Variants in DNAJC3 observed in about 807,000 individuals in gnomAD.
DNAJC3 encodes DnaJ heat shock protein family (Hsp40) member C3.
In DNAJC3, 38 loss-of-function variants were observed where a neutral mutation model predicts 68.6. That is an observed-to-expected ratio of 0.55 (90% CI 0.43 to 0.73). The LOEUF is 0.73. Among genes scored for constraint, DNAJC3 ranks in the 30% least tolerant of loss-of-function variants. The pLI is 0.00. For missense variants in DNAJC3, 526 were observed against 591.9 expected (o/e 0.89, Z 1.16); for synonymous variants, 203 against 204.0 (o/e 1.00, Z 0.04).
intron 4 of DNAJC3, among the ~76,000 whole-genome samples, chr13:95,750,045 G>A (rs1304917641): frequency 6.6e-6 from 1 of 151,914 alleles, no homozygotes; most frequent in Non-Finnish European, 1.5e-5. Flanking sequence ...GACTCAGATA[G>A]CTGTTTCCAG....
intron 11 of DNAJC3, among the ~76,000 whole-genome samples, chr13:95,788,644 A>G (rs1271287094): frequency 2.0e-5 from 3 of 152,170 alleles, no homozygotes; most frequent in Admixed American, 1.3e-4. Flanking sequence ...TGGTTACCTC[A>G]TTCTTTGAGA....
chr13:95,703,367 G>A (rs1880631953), intron 1 of DNAJC3, among the ~76,000 whole-genome samples: 1 of 152,186 alleles, frequency 6.6e-6, no homozygotes, highest in Non-Finnish European at 1.5e-5. Context: ...CTATGCTTGG[G>A]AGTCACTCAA....
intron 1 of DNAJC3, among the ~76,000 whole-genome samples, chr13:95,679,199 C>CTTTTTTTT (rs3086610): frequency 4.6e-5 from 5 of 108,386 alleles, no homozygotes; most frequent in African/African-American, 2.0e-4. Flanking sequence ...AAAATCAGCA[C>CTTTTTTTT]TTTTTTTTTT....
intron 4 of DNAJC3, among the ~76,000 whole-genome samples, chr13:95,753,389 G>A (rs74106032): frequency 0.011 from 1,657 of 152,012 alleles, 39 homozygotes; most frequent in African/African-American, 0.037. Flanking sequence ...AACAAAGACT[G>A]CAGAAAGAAT....
chr13:95,791,323 C>A lies in DNAJC3; in HGVS notation c.*293C>A. On this transcript the variant is annotated 3_prime_UTR_variant, in exon 12 of 12. Transcript: ENST00000602402. Reference sequence around the variant, plus strand: ...TCACCCGTGGAAGTGCTCACGTATTCTGTATTATTTTTCTACACTGGAGCT... The same window carrying A: ...TCACCCGTGGAAGTGCTCACGTATTATGTATTATTTTTCTACACTGGAGCT... 2 of 355,376 alleles carry A rather than the reference C, an allele frequency of 5.6e-6. No homozygotes were observed. The allele number at this position is 355,376 out of a possible 1,614,324, so 22.0% of individuals were successfully genotyped here. A position where few individuals can be genotyped will look rare whatever the true frequency, so the allele number is the denominator to read the frequency against.
At chr13:95,788,324 T>A (rs889350389) in intron 11 of DNAJC3, among the ~76,000 whole-genome samples, 1 of 152,008 alleles carries the variant, frequency 6.6e-6, no homozygotes, top group Non-Finnish European at 1.5e-5. Flanking sequence ...AGACTGGGAG[T>A]CAGGATCTTC....
intron 4 of DNAJC3, chr13:95,742,619 T>C (rs1362937922): frequency 3.8e-5 from 19 of 502,844 alleles, no homozygotes; most frequent in South Asian, 2.6e-4. Flanking sequence ...ACTTCTCTCT[T>C]CTTCTTCTTC....
intron 1 of DNAJC3, among the ~76,000 whole-genome samples, chr13:95,689,996 C>CT (rs976345832): frequency 6.7e-6 from 1 of 148,640 alleles, no homozygotes. Context: ...TTTTCTTTTT[C>CT]TTTTTTTTAT....
intron 1 of DNAJC3, among the ~76,000 whole-genome samples, chr13:95,685,326 C>T (rs1409189713): frequency 2.0e-5 from 3 of 152,234 alleles, no homozygotes; most frequent in Non-Finnish European, 2.9e-5. Flanking sequence ...GGTTTTAGCA[C>T]GTGCATGGGG....
chr13:95,720,688 T>G (rs556998501), intron 2 of DNAJC3, among the ~76,000 whole-genome samples: 21 of 152,186 alleles, frequency 1.4e-4, no homozygotes, highest in Non-Finnish European at 2.9e-4. Context: ...GTAAGAAATA[T>G]CCTATATTCA....
intron 9 of DNAJC3, among the ~76,000 whole-genome samples, chr13:95,784,661 C>T (rs113042306): frequency 2.0e-4 from 31 of 152,244 alleles, no homozygotes; most frequent in African/African-American, 7.2e-4. Context: ...TCATTCTTAC[C>T]ATGGAATGTT....
intron 11 of DNAJC3, 78 bp from the exon 12 acceptor site, chr13:95,790,795 C>CACA: frequency 6.9e-7 from 1 of 1,441,200 alleles, no homozygotes; most frequent in Middle Eastern, 2.0e-4. Flanking sequence ...ACCCACCCTC[C>CACA]TCTGCCCAAA....
chr13:95,678,111 C>T (rs941215400), intron 1 of DNAJC3, among the ~76,000 whole-genome samples: 3 of 152,176 alleles, frequency 2.0e-5, no homozygotes, highest in Non-Finnish European at 4.4e-5. Flanking sequence ...AAATAGAGGG[C>T]TGTCCTATCT....
intron 2 of DNAJC3, among the ~76,000 whole-genome samples, chr13:95,720,156 A>G (rs1593977512): frequency 6.6e-6 from 1 of 152,256 alleles, no homozygotes; most frequent in East Asian, 1.9e-4. Flanking sequence ...AATGTTATGG[A>G]ATTTGAGAGA....
At chr13:95,739,822 ATTCTCCATCCAGCT>A (rs973122935) in intron 4 of DNAJC3, among the ~76,000 whole-genome samples, 1 of 152,200 alleles carries the variant, frequency 6.6e-6, no homozygotes, top group African/African-American at 2.4e-5. Flanking sequence ...CGTCAAAGTC[ATTCTCCATCCAGCT>A]TTGTTCTGTT....
At chr13:95,769,163 A>G (rs567213532) in intron 9 of DNAJC3, among the ~76,000 whole-genome samples, 1 of 152,290 alleles carries the variant, frequency 6.6e-6, no homozygotes, top group South Asian at 2.1e-4. Flanking sequence ...TCCTTATGAG[A>G]TAAACATTTT....
chr13:95,701,347 G>A (rs1049953247), intron 1 of DNAJC3, among the ~76,000 whole-genome samples: 1 of 152,166 alleles, frequency 6.6e-6, no homozygotes, highest in Non-Finnish European at 1.5e-5. Flanking sequence ...CTGAAAAGTT[G>A]CCCTTTTGTC....
chr13:95,774,122 G>A (rs61559131), intron 9 of DNAJC3, among the ~76,000 whole-genome samples: 2,278 of 152,216 alleles, frequency 0.015, 61 homozygotes, highest in African/African-American at 0.052. Context: ...CTGCTCTTTA[G>A]TTCCTTAGAC....
At position 95,794,076 on chromosome 13, in the gene DNAJC3, G is replaced by A. The variant is rs542003264; in HGVS notation, c.*3046G>A. Reference sequence around the variant, plus strand: ...TTTACTAATGTGAATCAGATGTAACGTACTACTAATTCTACAATGCCTTTC... The same window carrying A: ...TTTACTAATGTGAATCAGATGTAACATACTACTAATTCTACAATGCCTTTC... On this transcript the variant is annotated 3_prime_UTR_variant, in exon 12 of 12. Coordinates refer to ENST00000602402, the MANE Select transcript of DNAJC3 (RefSeq NM_006260.5). 3 of 152,168 alleles carry A rather than the reference G, an allele frequency of 2.0e-5. No homozygotes were observed. The highest frequency in any genetic ancestry group is 1.9e-4 in the East Asian group (1 of 5,178). The allele number at this position is 152,168 out of a possible 1,614,324, so 9.4% of individuals were successfully genotyped here.
Sources: allele counts gnomAD v4.1 joint callset (sites outside exome capture counted in the v4.1 genomes callset), GRCh38; gene constraint gnomAD v4.1.1; transcripts MANE v1.5; gene names NCBI Gene and HGNC (gene_info 2026-07-23, HGNC 2026-07-21).